The following SP140L variants were observed in gnomAD, a reference collection of about 807,000 sequenced individuals.
SP140L encodes nuclear body protein SP140-like protein.
In SP140L, 64 loss-of-function variants were observed where a neutral mutation model predicts 84.3. That is an observed-to-expected ratio of 0.76 (90% confidence interval 0.62 to 0.94). SP140L has a LOEUF of 0.94. Among genes scored for constraint, SP140L ranks in the 40% least tolerant of loss-of-function variants. The pLI is 0.00. For synonymous variants in SP140L, 242 were observed against 236.9 expected, an observed-to-expected ratio of 1.02 and a Z score of -0.20; for missense variants, 628 against 692.5, an observed-to-expected ratio of 0.91 and a Z score of 1.05.
At chr2:230,337,441 G>T in intron 2 of SP140L, among the ~76,000 whole-genome samples, 1 of 151,820 alleles carries the variant, frequency 6.6e-6, no homozygotes, top group South Asian at 2.1e-4. Flanking sequence ...CCATTTTGTA[G>T]GTTGCCTGTT....
chr2:230,384,650 T>C (rs2061513098), intron 8 of SP140L, among the ~76,000 whole-genome samples: 1 of 152,192 alleles, frequency 6.6e-6, no homozygotes, highest in African/African-American at 2.4e-5. Context: ...TGGTGGCTCA[T>C]GCCTGTAACC....
chr2:230,371,251 A>G (rs930226708), intron 6 of SP140L, among the ~76,000 whole-genome samples: 16 of 152,210 alleles, frequency 1.1e-4, no homozygotes, highest in African/African-American at 3.6e-4. Flanking sequence ...TCAATATTCC[A>G]TGGAACCCAA....
intron 7 of SP140L, among the ~76,000 whole-genome samples, chr2:230,373,842 G>A (rs2061162077): frequency 6.6e-6 from 1 of 152,158 alleles, no homozygotes; most frequent in Non-Finnish European, 1.5e-5. Flanking sequence ...AAACCTTCTG[G>A]AAAGGATTCA....
At chr2:230,342,696 G>T (rs141807675) in intron 2 of SP140L, among the ~76,000 whole-genome samples, 1 of 152,250 alleles carries the variant, frequency 6.6e-6, no homozygotes, top group African/African-American at 2.4e-5. Flanking sequence ...ATTGTTCATA[G>T]TAGCCTAATG....
intron 8 of SP140L, 131 bp from the exon 9 acceptor site, chr2:230,385,093 G>A: frequency 1.3e-6 from 1 of 776,158 alleles, no homozygotes; most frequent in South Asian, 1.8e-5. Flanking sequence ...CCCCAAAGCA[G>A]AAAATGCTCT....
intron 2 of SP140L, among the ~76,000 whole-genome samples, chr2:230,330,950 A>G (rs1239889809): frequency 6.6e-6 from 1 of 152,170 alleles, no homozygotes; most frequent in African/African-American, 2.4e-5. Context: ...CCACCAGTCC[A>G]TGAGTCACTG....
intron 5 of SP140L, among the ~76,000 whole-genome samples, chr2:230,363,910 A>G (rs902598898): frequency 3.9e-5 from 6 of 152,134 alleles, no homozygotes; most frequent in Non-Finnish European, 8.8e-5. Flanking sequence ...TCCCAACATC[A>G]TTTATTAAAG....
intron 2 of SP140L, among the ~76,000 whole-genome samples, chr2:230,330,773 G>C (rs59586335): frequency 8.5e-4 from 129 of 152,244 alleles, no homozygotes; most frequent in African/African-American, 2.8e-3. Flanking sequence ...TTTAGTCATA[G>C]TCAACCATGG....
intron 2 of SP140L, among the ~76,000 whole-genome samples, chr2:230,353,998 T>G (rs1232184651): frequency 6.6e-6 from 1 of 152,148 alleles, no homozygotes; most frequent in Non-Finnish European, 1.5e-5. Context: ...TTGAAACAAA[T>G]TCCTTAACTC....
intron 4 of SP140L, among the ~76,000 whole-genome samples, chr2:230,360,411 A>G (rs148578885): frequency 1.3e-5 from 2 of 152,340 alleles, no homozygotes; most frequent in East Asian, 3.9e-4. Flanking sequence ...GCAGCTATAT[A>G]TGTTTTGGCT....
At chr2:230,345,387 T>C (rs2060177155) in intron 2 of SP140L, among the ~76,000 whole-genome samples, 1 of 152,222 alleles carries the variant, frequency 6.6e-6, no homozygotes. Context: ...CCTACATGTG[T>C]TCTTAAACCT....
At chr2:230,341,619 G>A (rs1357341108) in intron 2 of SP140L, among the ~76,000 whole-genome samples, 6 of 149,256 alleles carry the variant, frequency 4.0e-5, no homozygotes, top group Admixed American at 1.3e-4. Flanking sequence ...CCATCTTTGT[G>A]GTTTTATCTA....
At chr2:230,365,727 G>C (rs1429147796) in intron 5 of SP140L, among the ~76,000 whole-genome samples, 9 of 151,824 alleles carry the variant, frequency 5.9e-5, no homozygotes, top group African/African-American at 1.9e-4. Context: ...ACATTAGGCT[G>C]TTTGAGATCT....
intron 7 of SP140L, among the ~76,000 whole-genome samples, chr2:230,381,088 A>G (rs961731870): frequency 2.0e-5 from 3 of 152,130 alleles, no homozygotes; most frequent in Admixed American, 2.0e-4. Flanking sequence ...TGCACTCACA[A>G]GTGTGTGCTG....
At chr2:230,351,935 C>G (rs2060377475) in intron 2 of SP140L, among the ~76,000 whole-genome samples, 1 of 152,224 alleles carries the variant, frequency 6.6e-6, no homozygotes, top group Non-Finnish European at 1.5e-5. Context: ...GCATTATCCA[C>G]CACACTTGGG....
chr2:230,390,832 A>T (rs374506147), intron 11 of SP140L, among the ~76,000 whole-genome samples: 1 of 152,156 alleles, frequency 6.6e-6, no homozygotes, highest in Non-Finnish European at 1.5e-5. Context: ...TAATTTTAGA[A>T]CAATTTGTCC....
At chr2:230,365,990 C>T (rs2396746) in intron 5 of SP140L, among the ~76,000 whole-genome samples, 101,430 of 152,000 alleles carry the variant, frequency 0.67, 35,128 homozygotes, top group East Asian at 1. Flanking sequence ...AGAAAAGATA[C>T]CTGATATAAT....
At position 230,373,581 on chromosome 2, in the gene SP140L, G is replaced by GA. The variant is rs550497620; in HGVS notation, c.637+1937dup. 2.3e-4 allele frequency among the ~76,000 whole-genome samples: 35 copies of GA among 152,172 alleles called. No individual in the cohort carries two copies. The East Asian group carries it at 6.6e-3, about 29-fold the overall frequency. On this transcript the variant is annotated intron_variant, in intron 7 of 18. Transcript: ENST00000415673. ...ACCCACCATTGAGACATATTCCTCA[G>GA]AAAAAAAGACTCTTTTCAAAATATC...
At chr2:230,347,637 A>C (rs1445364494) in intron 2 of SP140L, among the ~76,000 whole-genome samples, 2 of 151,978 alleles carry the variant, frequency 1.3e-5, no homozygotes, top group African/African-American at 4.8e-5. Context: ...TAGAGGCCAT[A>C]CTCTGTAGTT....
Sources: allele counts gnomAD v4.1 joint callset (sites outside exome capture counted in the v4.1 genomes callset), GRCh38; gene constraint gnomAD v4.1.1; transcripts MANE v1.5; gene names NCBI Gene and HGNC (gene_info 2026-07-23, HGNC 2026-07-21).